DHX29: variants seen among roughly 807,000 people sequenced by gnomAD.
DHX29 encodes ATP-dependent RNA helicase DHX29.
DHX29 carries 79 observed loss-of-function variants against 167.9 expected under a neutral mutation model. The observed-to-expected ratio is 0.47, with a 90% confidence interval of 0.39 to 0.57. The LOEUF (loss-of-function observed/expected upper bound fraction) is 0.57, where lower values mean the gene tolerates loss of function less well. Ranked by LOEUF, DHX29 falls within the 20% of genes least tolerant of loss-of-function variation. The pLI, the probability that DHX29 is intolerant of heterozygous loss-of-function variation, is 0.00. For synonymous variants in DHX29, 530 were observed against 546.0 expected, an observed-to-expected ratio of 0.97 and a Z score of 0.41; for missense variants, 1,347 against 1,593.4, an observed-to-expected ratio of 0.85 and a Z score of 2.63.
chr5:55,298,529 CT>C, intron 2 of DHX29, 61 bp downstream of exon 2: 10 of 1,038,336 alleles, frequency 9.6e-6, no homozygotes, highest in Middle Eastern at 2.1e-4. Flanking sequence ...AAGGATACAT[CT>C]TTTTTGGGGG....
Position 55,307,454 on chromosome 5 carries a change from C to T in DHX29, c.120G>A (p.Lys40=), listed in dbSNP as rs1429438610. The part of the protein sequence containing the change: ...AGIAGEAQSK[K]PVSRPATAAA... ...CAGCGGTGGCCGGCCTGGACACTGG[C>T]TTCTTGCTTTGGGCCTCCCCGGCAA... The change falls in exon 1 of 27, where the codon AAG becomes AAA. Residue 40 remains lysine, a synonymous_variant. Transcript: ENST00000251636. 13 of 1,613,322 alleles carry T rather than the reference C, an allele frequency of 8.1e-6. No homozygotes were observed. The highest frequency in any genetic ancestry group is 1.7e-5 in the Admixed American group (1 of 60,012).
intron 1 of DHX29, among the ~76,000 whole-genome samples, chr5:55,307,063 T>G: frequency 6.6e-6 from 1 of 152,222 alleles, no homozygotes; most frequent in South Asian, 2.1e-4. Flanking sequence ...GTCTTTGCGT[T>G]AGCCTAGCTA....
At chr5:55,276,446 C>T (rs755729001) in intron 13 of DHX29, 40 bp from the exon 14 acceptor site, 5 of 1,491,708 alleles carry the variant, frequency 3.4e-6, no homozygotes, top group Middle Eastern at 1.8e-4. Context: ...AATTCAAATT[C>T]GTTTCAGTAA....
Position 55,283,352 on chromosome 5 carries a change from G to A in DHX29, c.1816C>T (p.Pro606Ser), listed in dbSNP as rs1413131512. 5.6e-6 allele frequency: 9 copies of A among 1,614,080 alleles called. No homozygotes were observed. The highest frequency in any genetic ancestry group is 7.6e-6 in the Non-Finnish European group (9 of 1,179,984). ...ETGSGKSTQV[P>S]HFLLEDLLLN... ...AGCAAATCTTCCAATAGAAAATGTGGTACCTGAGTACTTTTACCACTCCCT... is the reference window on the plus strand; with the variant it reads ...AGCAAATCTTCCAATAGAAAATGTGATACCTGAGTACTTTTACCACTCCCT... The change falls in exon 11 of 27, where the codon CCA becomes TCA. Residue 606 changes from proline to serine, a missense_variant. By Grantham distance (74) the Pro-to-Ser change is moderately conservative. Around this residue, in one of 3 missense-constraint regions of DHX29, gnomAD observed 882 missense variants for 1,082.4 expected, o/e 0.81. Transcript: ENST00000251636.
At chr5:55,289,163 A>T in intron 8 of DHX29, 107 bp downstream of exon 8, 1 of 1,245,888 alleles carries the variant, frequency 8.0e-7, no homozygotes, top group Non-Finnish European at 1.1e-6. Flanking sequence ...CTTCACTGCC[A>T]TCTTACGTAC....
intron 20 of DHX29, 38 bp from the exon 21 acceptor site, chr5:55,269,675 A>G: frequency 6.5e-7 from 1 of 1,544,672 alleles, no homozygotes; most frequent in Non-Finnish European, 8.9e-7. Flanking sequence ...GTATGAAATC[A>G]AAGAATGAAC....
chr5:55,290,870 C>G (rs1748008191), intron 6 of DHX29, among the ~76,000 whole-genome samples: 1 of 152,032 alleles, frequency 6.6e-6, no homozygotes, highest in African/African-American at 2.4e-5. Flanking sequence ...CAAAAATTAG[C>G]TGGGTGTGGG....
Position 55,277,085 on chromosome 5 carries a change from C to A in DHX29, c.2286+21G>T, listed in dbSNP as rs373873245. On this transcript the variant is annotated intron_variant, in intron 13 of 26. Coordinates refer to ENST00000251636, the MANE Select transcript of DHX29 (RefSeq NM_019030.4). ...TGGGAATGCAGTTTCTGCTTATACA[C>A]ACATTATAAAGAAAACTTACCTCAA... 3.8e-5 allele frequency: 60 copies of A among 1,573,126 alleles called. 2 individuals carry two copies. In the South Asian group the frequency reaches 4.9e-4, roughly 13 times the overall value.
intron 1 of DHX29, among the ~76,000 whole-genome samples, chr5:55,301,978 G>A (rs1194159139): frequency 3.3e-5 from 5 of 152,206 alleles, no homozygotes; most frequent in South Asian, 2.1e-4. Flanking sequence ...TTGTACATCT[G>A]GGCAGTCTGA....
rs1291498154 is a variant in DHX29 at position 55,267,672 on chromosome 5, G to A, written c.3431+14C>T. 2 of 1,589,002 alleles carry A rather than the reference G, an allele frequency of 1.3e-6. No individual in the cohort carries two copies. Among genetic ancestry groups the A allele is most frequent in the Non-Finnish European group, 1.7e-6 (2 of 1,167,498 alleles). On this transcript the variant is annotated intron_variant, in intron 22 of 26. Transcript: ENST00000251636. The stretch of plus-strand genomic sequence containing the variant: ...GTAATTGGCTTACTGATAACAGCCA[G>A]ATTATGTTTTTACCCTAGATATGCA...
chr5:55,306,796 G>C (rs1321170181), intron 1 of DHX29, among the ~76,000 whole-genome samples: 1 of 152,114 alleles, frequency 6.6e-6, no homozygotes, highest in Non-Finnish European at 1.5e-5. Flanking sequence ...AGCAGGAATC[G>C]GCCATCTATA....
At position 55,283,365 on chromosome 5, in the gene DHX29, T is replaced by C; in HGVS notation, c.1803A>G (p.Lys601=). Residue 601 remains lysine (K), a synonymous_variant, in exon 11 of 27, where the codon AAA becomes AAG. Coordinates refer to ENST00000251636, the MANE Select transcript of DHX29 (RefSeq NM_019030.4). ...ATAGAAAATGTGGTACCTGAGTACTTTTACCACTCCCTGTTTCACCTGCCA... is the reference window on the plus strand; with the variant it reads ...ATAGAAAATGTGGTACCTGAGTACTCTTACCACTCCCTGTTTCACCTGCCA... The part of the protein sequence containing the change: ...VVVAGETGSG[K]STQVPHFLLE... 1 of 1,614,170 alleles carries C rather than the reference T, an allele frequency of 6.2e-7. No individual in the cohort carries two copies. The highest frequency in any genetic ancestry group is 8.5e-7 in the Non-Finnish European group (1 of 1,180,010).
intron 11 of DHX29, among the ~76,000 whole-genome samples, chr5:55,282,136 T>C (rs1409160520): frequency 1.3e-5 from 2 of 152,232 alleles, no homozygotes; most frequent in African/African-American, 4.8e-5. Flanking sequence ...GTTCACTTTC[T>C]TTAAATACCA....
At chr5:55,298,932 A>G (rs999934091) in intron 1 of DHX29, among the ~76,000 whole-genome samples, 1 of 148,362 alleles carries the variant, frequency 6.7e-6, no homozygotes, top group African/African-American at 2.5e-5. Flanking sequence ...CGGGAGGCTG[A>G]GGCAGGAGAA....
intron 8 of DHX29, among the ~76,000 whole-genome samples, chr5:55,288,791 G>T (rs189320149): frequency 6.8e-4 from 104 of 152,242 alleles, no homozygotes; most frequent in Middle Eastern, 3.4e-3. Context: ...GGCCAAGTAG[G>T]GGGTAGCAAG....
Position 55,262,935 on chromosome 5 carries a change from A to C in DHX29, c.3526-3T>G. 6.2e-7 allele frequency: 1 copy of C among 1,603,040 alleles called. No individual in the cohort carries two copies. The highest frequency in any genetic ancestry group is 2.2e-5 in the East Asian group (1 of 44,794). ...TTTATTAACTCCTGCTTTACATCCT[A>C]GATTGGTTTATGTTAAAAACACAAA... On this transcript the variant is annotated splice_polypyrimidine_tract_variant and splice_region_variant and intron_variant, in intron 23 of 26. Coordinates refer to ENST00000251636, the MANE Select transcript of DHX29 (RefSeq NM_019030.4).
Position 55,274,906 on chromosome 5 carries a change from T to C in DHX29, c.2532A>G (p.Lys844=). The C allele has an allele frequency of 6.2e-7, 1 of 1,613,708 alleles. No individual in the cohort carries two copies. Among genetic ancestry groups the C allele is most frequent in the South Asian group, 1.1e-5 (1 of 90,996 alleles). The change falls in exon 15 of 27, where the codon AAA becomes AAG. Residue 844 remains lysine (K), a synonymous_variant. Transcript: ENST00000251636. ...GTTCCAAAATGAGATCCAGGTTGAT[T>C]TTATGAGGATTCATGTATAGAATAG... ...QHAILYMNPH[K]INLDLILELL...
At position 55,290,329 on chromosome 5, in the gene DHX29, G is replaced by A. The variant is rs773141039; in HGVS notation, c.796C>T (p.His266Tyr). 6.2e-7 allele frequency: 1 copy of A among 1,605,568 alleles called. No individual in the cohort carries two copies. The highest frequency in any genetic ancestry group is 8.5e-7 in the Non-Finnish European group (1 of 1,178,044). The change falls in exon 7 of 27, where the codon CAT becomes TAT. Residue 266 changes from histidine to tyrosine, a missense_variant. This residue lies in a region of DHX29 where 405 missense variants were observed against 416.8 expected (regional missense o/e 0.97). Coordinates refer to ENST00000251636, the MANE Select transcript of DHX29 (RefSeq NM_019030.4). The stretch of plus-strand genomic sequence containing the variant: ...GCATCCAGCAGTTTTGCTGCAAGAT[G>A]TAAGTACCTTTCATTCTGTTCCAAA... ...EKFDPNERYL[H>Y]LAAKLLDAKE...
chr5:55,289,131 C>A, intron 8 of DHX29, 139 bp downstream of exon 8: 1 of 955,138 alleles, frequency 1.0e-6, no homozygotes, highest in Non-Finnish European at 1.4e-6. Flanking sequence ...AATACTTTTT[C>A]AAGACAGCTT....
Sources: gnomAD v4.1 joint callset for allele counts (sites outside exome capture counted in the v4.1 genomes callset) on GRCh38, gnomAD v4.1.1 for gene constraint, gnomAD v4.1.1 regional missense constraint, MANE v1.5 for transcripts, NCBI Gene and HGNC (gene_info 2026-07-23, HGNC 2026-07-21) for gene names.